Variants in COL5A2 observed in about 807,000 individuals in gnomAD.
The protein encoded by COL5A2 is collagen type V alpha 2 chain.
A neutral mutation model predicts 208.2 loss-of-function variants in COL5A2; 23 were observed. The observed-to-expected ratio is 0.11, with a 90% CI of 0.08 to 0.16. The LOEUF is 0.16. Among genes scored for constraint, COL5A2 ranks in the 10% least tolerant of loss-of-function variants. The pLI, the probability that COL5A2 is intolerant of heterozygous loss-of-function variation, is 1.00. For synonymous variants in COL5A2, 625 were observed against 628.5 expected, an observed-to-expected ratio of 0.99 and a Z score of 0.08; for missense variants, 1,590 against 1,956.4, an observed-to-expected ratio of 0.81 and a Z score of 3.53.
At chr2:189,162,739 A>G (rs1024201316) in intron 1 of COL5A2, among the ~76,000 whole-genome samples, 1 of 152,170 alleles carries the variant, frequency 6.6e-6, no homozygotes, top group African/African-American at 2.4e-5. Flanking sequence ...CACTACTTGT[A>G]AAGATGTAAA....
At chr2:189,314,819 T>G in the COL5A2 span, among the ~76,000 whole-genome samples, 1 of 152,140 alleles carries the variant, frequency 6.6e-6, no homozygotes, top group African/African-American at 2.4e-5. Context: ...GCACATAAAC[T>G]AGAAAATCTA....
At chr2:189,050,784 A>G in intron 42 of COL5A2, 108 bp from the exon 43 acceptor site, 1 of 909,714 alleles carries the variant, frequency 1.1e-6, no homozygotes. Context: ...TATGAAAAAG[A>G]AGTTCTCTGT....
chr2:189,311,660 T>A, the COL5A2 span: 1 of 763,382 alleles, frequency 1.3e-6, no homozygotes, highest in South Asian at 1.5e-5. Context: ...ATGTCTCAGC[T>A]CCATGAGCAT....
chr2:189,353,505 C>T, the COL5A2 span, among the ~76,000 whole-genome samples: 1 of 152,202 alleles, frequency 6.6e-6, no homozygotes, highest in Non-Finnish European at 1.5e-5. Context: ...AGGTCCTTCA[C>T]ATCCCTTGTA....
At chr2:189,322,634 T>C in the COL5A2 span, among the ~76,000 whole-genome samples, 3 of 152,066 alleles carry the variant, frequency 2.0e-5, no homozygotes, top group Admixed American at 1.3e-4. Flanking sequence ...CAGGAAGAAG[T>C]TGAATCTCTG....
chr2:189,228,136 A>G (rs1229858530), upstream of COL5A2, among the ~76,000 whole-genome samples: 1 of 151,972 alleles, frequency 6.6e-6, no homozygotes. Flanking sequence ...AAAACACAAC[A>G]TATTAAAAGT....
At chr2:189,036,114 C>T (rs953156626) in intron 52 of COL5A2, among the ~76,000 whole-genome samples, 1 of 151,978 alleles carries the variant, frequency 6.6e-6, no homozygotes, top group African/African-American at 2.4e-5. Flanking sequence ...AGACCCTAAA[C>T]TAAGAATTTT....
chr2:189,439,140 C>A, the COL5A2 span, among the ~76,000 whole-genome samples: 1 of 152,158 alleles, frequency 6.6e-6, no homozygotes, highest in East Asian at 1.9e-4. Flanking sequence ...TAAAGGTGAT[C>A]AAACCCTTAT....
intron 1 of COL5A2, among the ~76,000 whole-genome samples, chr2:189,164,652 A>T (rs1423727497): frequency 1.3e-5 from 2 of 152,198 alleles, no homozygotes; most frequent in East Asian, 3.8e-4. Flanking sequence ...ATGCTAAATA[A>T]TAACACCTTT....
intron 2 of COL5A2, among the ~76,000 whole-genome samples, chr2:189,106,939 C>G (rs918142000): frequency 1.3e-5 from 2 of 151,236 alleles, no homozygotes; most frequent in African/African-American, 4.8e-5. Flanking sequence ...GCCACTTTTT[C>G]ATGAATAATT....
upstream of COL5A2, among the ~76,000 whole-genome samples, chr2:189,181,938 A>G (rs924511735): frequency 1.3e-5 from 2 of 152,226 alleles, no homozygotes; most frequent in African/African-American, 4.8e-5. Flanking sequence ...GAAGCATAGC[A>G]AATATTTGTC....
chr2:189,043,248 C>A lies in COL5A2; in HGVS notation c.3374G>T (p.Gly1125Val). The A allele has an allele frequency of 6.2e-7, 1 of 1,611,480 alleles. No individual in the cohort carries two copies. ...AGKRGLPGPQGPRGDKGDHGD... is the reference protein window; with the variant it reads ...AGKRGLPGPQVPRGDKGDHGD... ...ATGATCACCTTTGTCACCACGAGGT[C>A]CTTGGGGTCCCTAGAAATAGAGATA... Residue 1125 changes from glycine (G) to valine (V), a missense_variant, in exon 48 of 54, where the codon GGA (glycine) becomes GTA (valine). Gly to Val is a moderately radical substitution (Grantham distance 109). Coordinates refer to ENST00000374866, the MANE Select transcript of COL5A2 (RefSeq NM_000393.5).
intron 1 of COL5A2, among the ~76,000 whole-genome samples, chr2:189,197,872 T>C (rs1185447451): frequency 5.3e-5 from 8 of 149,678 alleles, no homozygotes; most frequent in Non-Finnish European, 1.2e-4. Flanking sequence ...TTTTTTGAGA[T>C]GGAGTCTCGC....
chr2:189,045,259 T>A, intron 46 of COL5A2, 27 bp from the exon 47 acceptor site: 3 of 1,556,728 alleles, frequency 1.9e-6, no homozygotes, highest in Non-Finnish European at 1.8e-6. Flanking sequence ...ACAAAAAAAA[T>A]TGGCATGTAA....
chr2:189,354,264 G>A, the COL5A2 span, among the ~76,000 whole-genome samples: 1 of 152,140 alleles, frequency 6.6e-6, no homozygotes, highest in Non-Finnish European at 1.5e-5. Flanking sequence ...GTCTCTGCCA[G>A]GTTTTGCTAT....
At chr2:189,247,850 G>A in the COL5A2 span, among the ~76,000 whole-genome samples, 7 of 152,226 alleles carry the variant, frequency 4.6e-5, no homozygotes, top group African/African-American at 1.7e-4. Flanking sequence ...AAAGTGCTGG[G>A]ATTACAGGCA....
chr2:189,274,930 AT>A, the COL5A2 span, among the ~76,000 whole-genome samples: 3 of 152,110 alleles, frequency 2.0e-5, no homozygotes, highest in African/African-American at 7.2e-5. Context: ...AATGAGCACA[AT>A]TTTTATTGTT....
At chr2:189,408,572 T>C in the COL5A2 span, among the ~76,000 whole-genome samples, 7 of 152,162 alleles carry the variant, frequency 4.6e-5, no homozygotes, top group Non-Finnish European at 8.8e-5. Context: ...TTAATAGTCA[T>C]GTTTTAGGTT....
Position 189,054,204 on chromosome 2 carries a change from T to A in COL5A2, c.2400A>T (p.Pro800=). 6.2e-7 allele frequency: 1 copy of A among 1,613,802 alleles called. No individual in the cohort carries two copies. The highest frequency in any genetic ancestry group is 2.2e-5 in the East Asian group (1 of 44,886). Residue 800 remains proline (P), a synonymous_variant, in exon 36 of 54, where the codon CCA becomes CCT. Transcript: ENST00000374866. ...TAGNDGARGL[P]GPLGPPGPAG... Reference sequence around the variant, plus strand: ...CCGGACCTGGAGGGCCCAAAGGACCTGGAAGACCCTGTCAATTAACAGAAC... The same window carrying A: ...CCGGACCTGGAGGGCCCAAAGGACCAGGAAGACCCTGTCAATTAACAGAAC...
Sources: allele counts gnomAD v4.1 joint callset (sites outside exome capture counted in the v4.1 genomes callset), GRCh38; gene constraint gnomAD v4.1.1; transcripts MANE v1.5; gene names NCBI Gene and HGNC (gene_info 2026-07-23, HGNC 2026-07-21).